Variants in NEGR1 observed in about 807,000 individuals in gnomAD.
The protein encoded by NEGR1 is neuronal growth regulator 1.
A neutral mutation model predicts 40.9 loss-of-function variants in NEGR1; 10 were observed. That is an observed-to-expected ratio of 0.24 (90% CI 0.15 to 0.42). NEGR1 has a LOEUF of 0.42. Ranked by LOEUF, NEGR1 falls within the 10% of genes least tolerant of loss-of-function variation. The pLI is 1.00. For synonymous variants in NEGR1, 185 were observed against 166.8 expected, an observed-to-expected ratio of 1.11 and a Z score of -0.84; for missense variants, 352 against 438.9, an observed-to-expected ratio of 0.80 and a Z score of 1.77.
chr1:72,060,534 T>A (rs1051018946), intron 1 of NEGR1, among the ~76,000 whole-genome samples: 1 of 151,668 alleles, frequency 6.6e-6, no homozygotes, highest in African/African-American at 2.4e-5. Context: ...TAATGAAAGA[T>A]CTATGTCTTT....
At chr1:72,038,103 G>T (rs570201881) in intron 1 of NEGR1, among the ~76,000 whole-genome samples, 3 of 152,158 alleles carry the variant, frequency 2.0e-5, no homozygotes, top group South Asian at 2.1e-4. Flanking sequence ...AGGCTTAAAA[G>T]GTTTAAAGCC....
At chr1:72,000,626 C>A (rs1375532382) in intron 1 of NEGR1, among the ~76,000 whole-genome samples, 1 of 152,094 alleles carries the variant, frequency 6.6e-6, no homozygotes. Context: ...TTCATCACGT[C>A]ATGTTTGTAA....
At chr1:71,531,391 CA>C (rs1647352104) in intron 6 of NEGR1, among the ~76,000 whole-genome samples, 1 of 151,402 alleles carries the variant, frequency 6.6e-6, no homozygotes, top group South Asian at 2.1e-4. Flanking sequence ...ATCTTTACGT[CA>C]ACCCATCAGG....
At chr1:71,971,448 T>G (rs1356964413) in intron 1 of NEGR1, among the ~76,000 whole-genome samples, 1 of 152,196 alleles carries the variant, frequency 6.6e-6, no homozygotes, top group Non-Finnish European at 1.5e-5. Flanking sequence ...GTACTAACAT[T>G]TCATGTATTG....
chr1:72,252,820 T>C (rs72941302), intron 1 of NEGR1, among the ~76,000 whole-genome samples: 1 of 152,216 alleles, frequency 6.6e-6, no homozygotes, highest in African/African-American at 2.4e-5. Context: ...TATAAATTTA[T>C]GGATCTAATA....
At chr1:71,641,326 G>A (rs528289339) in intron 4 of NEGR1, among the ~76,000 whole-genome samples, 2 of 152,126 alleles carry the variant, frequency 1.3e-5, no homozygotes, top group Non-Finnish European at 2.9e-5. Flanking sequence ...GAAGACTCAC[G>A]AAAGGTTGAG....
At chr1:71,426,539 TATC>T (rs72111990) in intron 6 of NEGR1, among the ~76,000 whole-genome samples, 20,233 of 152,170 alleles carry the variant, frequency 0.13, 1,662 homozygotes, top group Middle Eastern at 0.21. Flanking sequence ...TATTTCATCT[TATC>T]ATATTAAAAC....
chr1:72,062,166 TA>T (rs764053479), intron 1 of NEGR1, among the ~76,000 whole-genome samples: 5 of 151,886 alleles, frequency 3.3e-5, no homozygotes, highest in Non-Finnish European at 5.9e-5. Context: ...TGGCTATACC[TA>T]AGAAGTATGA....
intron 1 of NEGR1, chr1:72,274,722 A>C (rs909096773): frequency 9.7e-7 from 1 of 1,031,498 alleles, no homozygotes; most frequent in Non-Finnish European, 1.5e-6. Flanking sequence ...ATGGAAAAGT[A>C]ATTGGAGTAA....
At chr1:71,944,247 C>T (rs61765339) in intron 1 of NEGR1, among the ~76,000 whole-genome samples, 17,894 of 152,022 alleles carry the variant, frequency 0.12, 1,125 homozygotes, top group Middle Eastern at 0.21. Context: ...TCAGGAGATA[C>T]AAAGATAATG....
rs74452693 is a variant in NEGR1 at position 71,550,250 on chromosome 1, G to T, written c.940+42567C>A. On this transcript the variant is annotated intron_variant, in intron 6 of 6. Coordinates refer to ENST00000357731, the MANE Select transcript of NEGR1 (RefSeq NM_173808.3). ...TGATCATTTCATTCTCATTCTTATT[G>T]ATATACCTTCCCAGCCACTCATAGA... Among the ~76,000 whole-genome samples, 270 of 151,572 alleles carry T rather than the reference G, an allele frequency of 1.8e-3. 3 individuals are homozygous for T. Among genetic ancestry groups the T allele is most frequent in the East Asian group, 0.01 (53 of 5,082 alleles).
chr1:71,472,937 A>G (rs1646791681), intron 6 of NEGR1, among the ~76,000 whole-genome samples: 1 of 152,114 alleles, frequency 6.6e-6, no homozygotes, highest in South Asian at 2.1e-4. Context: ...GGATAAAGTT[A>G]ACTATGAAAC....
chr1:71,447,917 T>A (rs970274335), intron 6 of NEGR1, among the ~76,000 whole-genome samples: 1 of 152,068 alleles, frequency 6.6e-6, no homozygotes, highest in Non-Finnish European at 1.5e-5. Context: ...TCTCCTACAA[T>A]AAGAAAAAAC....
chr1:72,073,890 A>G (rs1647590974), intron 1 of NEGR1, among the ~76,000 whole-genome samples: 1 of 152,150 alleles, frequency 6.6e-6, no homozygotes, highest in Non-Finnish European at 1.5e-5. Flanking sequence ...TACTGAGCCA[A>G]AAGAAAGACA....
intron 4 of NEGR1, among the ~76,000 whole-genome samples, chr1:71,641,287 TG>T (rs1446717280): frequency 1.3e-5 from 2 of 152,050 alleles, no homozygotes; most frequent in Non-Finnish European, 2.9e-5. Context: ...GATATACATA[TG>T]TATCTCATGA....
chr1:72,046,138 A>C (rs1647000033), intron 1 of NEGR1, among the ~76,000 whole-genome samples: 1 of 151,760 alleles, frequency 6.6e-6, no homozygotes, highest in Admixed American at 6.6e-5. Flanking sequence ...TCAACCTCAA[A>C]GTTCATTTGT....
intron 4 of NEGR1, among the ~76,000 whole-genome samples, 192 bp from the exon 5 acceptor site, chr1:71,611,338 G>C (rs567842076): frequency 6.6e-6 from 1 of 152,190 alleles, no homozygotes; most frequent in South Asian, 2.1e-4. Flanking sequence ...TTTTCAAGGT[G>C]AACAATAGAT....
rs1362339607 is a variant in NEGR1 at position 71,698,092 on chromosome 1, T to A, written c.583A>T (p.Arg195Trp). The change falls in exon 4 of 7, where the codon AGG (arginine) becomes TGG (tryptophan). Residue 195 changes from arginine to tryptophan, a missense_variant. Arg to Trp is a moderately radical substitution (Grantham distance 101). This residue lies in a region of NEGR1 where 184 missense variants were observed against 208.7 expected (regional missense o/e 0.88). Transcript: ENST00000357731. ...GQYLDIYGIT[R>W]DQAGEYECSA... Reference sequence around the variant, plus strand: ...CATTCATATTCCCCAGCCTGGTCCCTTGTAATTCCATAAATGTCCAAATAT... The same window carrying A: ...CATTCATATTCCCCAGCCTGGTCCCATGTAATTCCATAAATGTCCAAATAT... 1 of 1,610,904 alleles carries A rather than the reference T, an allele frequency of 6.2e-7. No individual in the cohort carries two copies. The highest frequency in any genetic ancestry group is 8.5e-7 in the Non-Finnish European group (1 of 1,177,842).
intron 1 of NEGR1, among the ~76,000 whole-genome samples, chr1:71,979,054 G>A (rs1646332061): frequency 6.6e-6 from 1 of 152,140 alleles, no homozygotes; most frequent in Non-Finnish European, 1.5e-5. Flanking sequence ...CATGTCCTTT[G>A]CAGGAACATG....
Sources: gnomAD v4.1 joint callset for allele counts (sites outside exome capture counted in the v4.1 genomes callset) on GRCh38, gnomAD v4.1.1 for gene constraint, gnomAD v4.1.1 regional missense constraint, MANE v1.5 for transcripts, NCBI Gene and HGNC (gene_info 2026-07-23, HGNC 2026-07-21) for gene names.